The following LAT2 variants were observed in gnomAD, a reference collection of about 807,000 sequenced individuals.
LAT2 encodes the protein linker for activation of T cells family member 2.
In LAT2, 23 loss-of-function variants were observed where a neutral mutation model predicts 43.4. The observed-to-expected ratio is 0.53, with a 90% CI of 0.38 to 0.75. The LOEUF is 0.75. LAT2 is among the 30% of genes least tolerant of loss of function. LAT2 has a pLI of 0.00. For synonymous variants in LAT2, 128 were observed against 123.2 expected, an observed-to-expected ratio of 1.04 and a Z score of -0.26; for missense variants, 284 against 310.2, an observed-to-expected ratio of 0.92 and a Z score of 0.64.
chr7:74,218,804 C>T (rs1264810266), intron 4 of LAT2, among the ~76,000 whole-genome samples: 1 of 152,192 alleles, frequency 6.6e-6, no homozygotes, highest in Non-Finnish European at 1.5e-5. Context: ...TCAAGCGATT[C>T]TCCTGTCTCA....
At position 74,214,045 on chromosome 7, in the gene LAT2, TATATATATATATGAAAAAATATATATAA is replaced by T. The variant is rs1554713582; in HGVS notation, c.-218-738_-218-711del. Among the ~76,000 whole-genome samples the T allele has an allele frequency of 1.3e-3, 170 of 132,420 alleles. 1 individual carries two copies. Among genetic ancestry groups the T allele is most frequent in the East Asian group, 2.9e-3 (14 of 4,890 alleles). The allele number at this position is 132,420 out of a possible 152,430, so 86.9% of individuals were successfully genotyped here. A position where few individuals can be genotyped will look rare whatever the true frequency, so the allele number is the denominator to read the frequency against. On this transcript the variant is annotated intron_variant, in intron 1 of 13. Coordinates refer to ENST00000460943, the MANE Select transcript of LAT2 (RefSeq NM_032464.3). ...CTCACTGCAGCCATATATATGTATA[TATATATATATATGAAAAAATATATATAA>T]ATATATATATATGAAAAAATATATA... is the stretch of plus-strand genomic sequence containing the variant.
intron 5 of LAT2, 42 bp downstream of exon 5, chr7:74,219,829 G>A (rs1307020710): frequency 6.2e-7 from 1 of 1,613,240 alleles, no homozygotes; most frequent in African/African-American, 1.3e-5. Context: ...TGGGTTGGGG[G>A]TGTCCCTATC....
chr7:74,214,142 AT>A, intron 1 of LAT2, among the ~76,000 whole-genome samples: 1 of 55,388 alleles, frequency 1.8e-5, no homozygotes, highest in Admixed American at 2.4e-4. Flanking sequence ...ATATATGAAA[AT>A]ATATATAAAT....
At chr7:74,219,634 TC>T (rs782175724) in intron 4 of LAT2, 109 bp from the exon 5 acceptor site, 3 of 1,325,440 alleles carry the variant, frequency 2.3e-6, no homozygotes, top group African/African-American at 1.4e-5. Context: ...GTCGCCCCAG[TC>T]CGTCCCTCTG....
In LAT2 at chr7:74,215,958, G is replaced by T; in HGVS notation, c.-18G>T. ...ACCTCCCATTTCAGCATCACAAGAGGCAACACCAGGAGCCAACATGAGCTC... is the reference window on the plus strand; with the variant it reads ...ACCTCCCATTTCAGCATCACAAGAGTCAACACCAGGAGCCAACATGAGCTC... On this transcript the variant is annotated 5_prime_UTR_variant, in exon 3 of 14. Coordinates refer to ENST00000460943, the MANE Select transcript of LAT2 (RefSeq NM_032464.3). 6.2e-7 allele frequency: 1 copy of T among 1,612,914 alleles called. No homozygotes were observed. The highest frequency in any genetic ancestry group is 1.7e-5 in the Admixed American group (1 of 60,010).
intron 13 of LAT2, chr7:74,225,112 G>C (rs1198516713): frequency 5.6e-6 from 1 of 178,314 alleles, no homozygotes; most frequent in Non-Finnish European, 1.2e-5. Flanking sequence ...CGCACACACG[G>C]CCGGGCACGG....
rs1204116859 is a variant in LAT2 at position 74,220,943 on chromosome 7, C to T, written c.332+209C>T. On this transcript the variant is annotated intron_variant, in intron 9 of 13. Coordinates refer to ENST00000460943, the MANE Select transcript of LAT2 (RefSeq NM_032464.3). The surrounding 1 kb of genome is among the most constrained non-coding windows in gnomAD (Gnocchi z 4.5). ...GGCGACACTGTTGTCTCTTAGGTAA[C>T]CCTGGGTTTGGGGGACTGGACTTTG... Among the ~76,000 whole-genome samples, 5 of 152,194 alleles carry T rather than the reference C, an allele frequency of 3.3e-5. No homozygotes were observed. Among genetic ancestry groups the T allele is most frequent in the Admixed American group, 2.0e-4 (3 of 15,260 alleles).
chr7:74,226,798 G>A (rs1802506811), intron 13 of LAT2, among the ~76,000 whole-genome samples: 1 of 152,168 alleles, frequency 6.6e-6, no homozygotes, highest in Non-Finnish European at 1.5e-5. Flanking sequence ...TTTAAGGAAG[G>A]CGGCTAGGGA....
chr7:74,220,659 G>T lies in LAT2; in HGVS notation c.301+40G>T, dbSNP rs899796221. The T allele has an allele frequency of 6.2e-6, 10 of 1,613,842 alleles. No homozygotes were observed. Among genetic ancestry groups the T allele is most frequent in the Non-Finnish European group, 8.5e-6 (10 of 1,179,866 alleles). ...GGAGAAAGGGGGAGGCCATGGTGGGGGCCACACCCAGGGGCTCAGGCCCAA... is the reference window on the plus strand; with the variant it reads ...GGAGAAAGGGGGAGGCCATGGTGGGTGCCACACCCAGGGGCTCAGGCCCAA... On this transcript the variant is annotated intron_variant, in intron 8 of 13. Coordinates refer to ENST00000460943, the MANE Select transcript of LAT2 (RefSeq NM_032464.3). The surrounding 1 kb of genome is among the most constrained non-coding windows in gnomAD (Gnocchi z 4.5).
intron 1 of LAT2, among the ~76,000 whole-genome samples, chr7:74,211,122 C>A (rs1801719703): frequency 6.6e-6 from 1 of 152,234 alleles, no homozygotes; most frequent in African/African-American, 2.4e-5. Context: ...CTGTGGCAGC[C>A]CCCACTCCCC....
chr7:74,214,601 AATATATATAAATATATATATGAAT>A lies in LAT2; in HGVS notation c.-218-211_-218-188del, dbSNP rs1801935102. On this transcript the variant is annotated intron_variant, in intron 1 of 13. Transcript: ENST00000460943. ...ATATATATATAAATATATATATGAA[AATATATATAAATATATATATGAAT>A]ATATATATATATATATGAAAATATA... Among the ~76,000 whole-genome samples, 7 of 752 alleles carry A rather than the reference AATATATATAAATATATATATGAAT, an allele frequency of 9.3e-3. 2 individuals are homozygous for A. Among genetic ancestry groups the A allele is most frequent in the South Asian group, 0.25 (2 of 8 alleles). The allele number at this position is 752 out of a possible 152,430, so 0.5% of individuals were successfully genotyped here. A position where few individuals can be genotyped will look rare whatever the true frequency, so the allele number is the denominator to read the frequency against.
At chr7:74,219,639 C>T (rs1584219064) in intron 4 of LAT2, 105 bp from the exon 5 acceptor site, 1 of 1,372,614 alleles carries the variant, frequency 7.3e-7, no homozygotes, top group East Asian at 2.3e-5. Flanking sequence ...CCCAGTCCGT[C>T]CCTCTGCTTT....
rs141757018 is a variant in LAT2, at chr7:74,210,067, G to T, written c.-240G>T. On this transcript the variant is annotated 5_prime_UTR_variant, in exon 1 of 14. Coordinates refer to ENST00000460943, the MANE Select transcript of LAT2 (RefSeq NM_032464.3). ...GCGGGCTCAGGATGGGGCGGCCGTG[G>T]TGAGGAACCCTGGACTCTCAGGTAA... The T allele has an allele frequency of 3.5e-3, 539 of 152,496 alleles. 2 individuals are homozygous for T. The highest frequency in any genetic ancestry group is 6.3e-3 in the Admixed American group (97 of 15,292). The allele number at this position is 152,496 out of a possible 1,614,324, so 9.4% of individuals were successfully genotyped here. A position where few individuals can be genotyped will look rare whatever the true frequency, so the allele number is the denominator to read the frequency against.
intron 10 of LAT2, 96 bp downstream of exon 10, chr7:74,221,788 T>G: frequency 1.1e-3 from 1,119 of 1,020,950 alleles, no homozygotes; most frequent in Non-Finnish European, 1.5e-3. Context: ...GGGCCTGGGT[T>G]CGGGTAAATC....
Position 74,219,794 on chromosome 7 carries a change from C to G in LAT2, c.178+7C>G. ...GGGTCCCGGACCTACTCCTGTGAGT[C>G]TCCAAGTGTCCCCGGGTTGGGCTCT... On this transcript the variant is annotated splice_region_variant and intron_variant, in intron 5 of 13. Coordinates refer to ENST00000460943, the MANE Select transcript of LAT2 (RefSeq NM_032464.3). 6.2e-7 allele frequency: 1 copy of G among 1,614,072 alleles called. No individual in the cohort carries two copies. Among genetic ancestry groups the G allele is most frequent in the Non-Finnish European group, 8.5e-7 (1 of 1,180,008 alleles).
At chr7:74,223,701 G>A (rs1554715627) in intron 10 of LAT2, 23 bp from the exon 11 acceptor site, 2 of 1,611,790 alleles carry the variant, frequency 1.2e-6, no homozygotes, top group Admixed American at 1.7e-5. Context: ...ACACCCCCGT[G>A]CCCACTCCTC....
At chr7:74,213,876 C>T (rs982682696) in intron 1 of LAT2, among the ~76,000 whole-genome samples, 11 of 151,278 alleles carry the variant, frequency 7.3e-5, no homozygotes, top group Admixed American at 1.3e-4. Context: ...CCACAAATGC[C>T]CACCATACTC....
At chr7:74,225,783 A>G (rs1175817843) in intron 13 of LAT2, 1 of 152,378 alleles carries the variant, frequency 6.6e-6, no homozygotes, top group East Asian at 1.9e-4. Context: ...CTCAGCGAGC[A>G]GGCTGGAGGG....
At chr7:74,211,866 AC>A (rs1554713210) in intron 1 of LAT2, among the ~76,000 whole-genome samples, 1 of 152,142 alleles carries the variant, frequency 6.6e-6, no homozygotes, top group Non-Finnish European at 1.5e-5. Context: ...TGTTGGGATT[AC>A]AGGTGTGAAC....
Sources: allele counts gnomAD v4.1 joint callset (sites outside exome capture counted in the v4.1 genomes callset), GRCh38; gene constraint gnomAD v4.1.1; non-coding constraint Gnocchi (gnomAD v3.1); transcripts MANE v1.5; gene names NCBI Gene and HGNC (gene_info 2026-07-23, HGNC 2026-07-21).